The following LGR5 variants were observed in gnomAD, a reference collection of about 807,000 sequenced individuals.
The protein encoded by LGR5 is leucine rich repeat containing G protein-coupled receptor 5, also known as leucine-rich repeat-containing G protein-coupled receptor 5.
A neutral mutation model predicts 76.7 loss-of-function variants in LGR5; 54 were observed. The ratio of observed to expected loss-of-function variants is 0.70; its 90% CI spans 0.57 to 0.88. The LOEUF (loss-of-function observed/expected upper bound fraction) is 0.88, where lower values mean the gene tolerates loss of function less well. LGR5 is among the 40% of genes least tolerant of loss of function. The pLI, the probability that LGR5 is intolerant of heterozygous loss-of-function variation, is 0.00. For missense variants in LGR5, 1,078 were observed against 1,073.3 expected, an observed-to-expected ratio of 1.00 and a Z score of -0.06; for synonymous variants, 406 against 421.9, an observed-to-expected ratio of 0.96 and a Z score of 0.46.
intron 3 of LGR5, among the ~76,000 whole-genome samples, chr12:71,531,990 TC>T (rs1230794199): frequency 6.6e-6 from 1 of 152,228 alleles, no homozygotes; most frequent in Non-Finnish European, 1.5e-5. Flanking sequence ...GAAACTCTCA[TC>T]TTCCACCTCA....
chr12:71,515,954 A>G (rs1399122034), intron 2 of LGR5, among the ~76,000 whole-genome samples: 1 of 152,230 alleles, frequency 6.6e-6, no homozygotes, highest in African/African-American at 2.4e-5. Context: ...TTCACTTTCC[A>G]TAAAACCTTT....
At chr12:71,571,332 C>A (rs978495146) in intron 11 of LGR5, 182 bp from the exon 12 acceptor site, 2 of 456,966 alleles carry the variant, frequency 4.4e-6, no homozygotes, top group East Asian at 3.4e-5. Context: ...TTTCAGTAAA[C>A]ATTTGAATCT....
At chr12:71,447,955 G>C (rs1164262396) in intron 1 of LGR5, among the ~76,000 whole-genome samples, 2 of 152,180 alleles carry the variant, frequency 1.3e-5, no homozygotes, top group African/African-American at 4.8e-5. Context: ...GTGGTCCCTT[G>C]TTAGCCTGTC....
chr12:71,440,140 CG>C lies in LGR5; in HGVS notation c.65del (p.Gly22AlafsTer10). ...TGCCTGTGCTGCTGCAGCTGGCGACCGGGGGCAGCTCTCCCAGGTCTGGTGT... is the reference window on the plus strand; with the variant it reads ...TGCCTGTGCTGCTGCAGCTGGCGACCGGGGCAGCTCTCCCAGGTCTGGTGT... The part of the protein sequence containing the change: ...SLPVLLQLAT[G>X]GSSPRSGVLL... On this transcript the variant is annotated frameshift_variant, in exon 1 of 18. Transcript: ENST00000266674. LOFTEE classifies it high-confidence loss of function. The surrounding 1 kb of genome is among the most constrained non-coding windows in gnomAD (Gnocchi z 5.3). 7 of 1,609,754 alleles carry C rather than the reference CG, an allele frequency of 4.3e-6. No homozygotes were observed. The highest frequency in any genetic ancestry group is 2.1e-4 in the Middle Eastern group (1 of 4,692).
chr12:71,501,712 C>G (rs1043036543), intron 1 of LGR5, among the ~76,000 whole-genome samples: 2 of 152,024 alleles, frequency 1.3e-5, no homozygotes, highest in African/African-American at 4.8e-5. Flanking sequence ...AAATATTGAG[C>G]CTTGTATTTT....
Position 71,504,632 on chromosome 12 carries a change from C to T in LGR5, c.231C>T (p.Asn77=), listed in dbSNP as rs117980085. 3,595 of 1,614,000 alleles carry T rather than the reference C, an allele frequency of 2.2e-3. 5 individuals carry two copies. Among genetic ancestry groups the T allele is most frequent in the Middle Eastern group, 5.0e-3 (30 of 6,060 alleles). ...FTSYLDLSMN[N]ISQLLPNPLP... Reference sequence around the variant, plus strand: ...CCCCCAGAGACCTCAGTATGAACAACATCAGTCAGCTGCTCCCGAATCCCC... The same window carrying T: ...CCCCCAGAGACCTCAGTATGAACAATATCAGTCAGCTGCTCCCGAATCCCC... The change falls in exon 2 of 18, where the codon AAC becomes AAT. Residue 77 remains asparagine (N), a synonymous_variant. Coordinates refer to ENST00000266674, the MANE Select transcript of LGR5 (RefSeq NM_003667.4).
chr12:71,525,220 CTT>C (rs1355751928), intron 3 of LGR5, among the ~76,000 whole-genome samples: 1 of 151,944 alleles, frequency 6.6e-6, no homozygotes, highest in Non-Finnish European at 1.5e-5. Flanking sequence ...AAGTTATTAA[CTT>C]TGATATATTT....
chr12:71,475,672 C>A (rs1379023121), intron 1 of LGR5, among the ~76,000 whole-genome samples: 1 of 152,130 alleles, frequency 6.6e-6, no homozygotes. Flanking sequence ...GCTGATATTT[C>A]TTTTCAAGAC....
At chr12:71,583,460 C>G (rs1376252056) in intron 17 of LGR5, 187 bp from the exon 18 acceptor site, 1 of 642,742 alleles carries the variant, frequency 1.6e-6, no homozygotes, top group East Asian at 2.6e-5. Context: ...CTCACCCAGC[C>G]AGTGCTGCAG....
chr12:71,555,622 C>T (rs1317956286), intron 5 of LGR5, among the ~76,000 whole-genome samples: 1 of 152,190 alleles, frequency 6.6e-6, no homozygotes, highest in Admixed American at 6.5e-5. Context: ...AGAAAATGTG[C>T]TTGCTACATC....
chr12:71,526,556 T>C (rs1453014668), intron 3 of LGR5, among the ~76,000 whole-genome samples: 1 of 152,172 alleles, frequency 6.6e-6, no homozygotes, highest in Non-Finnish European at 1.5e-5. Flanking sequence ...CAAATTAGCA[T>C]TAAACAAATT....
chr12:71,583,930 T>G lies in LGR5; in HGVS notation c.1920T>G (p.Ile640Met). 1.2e-6 allele frequency: 2 copies of G among 1,614,182 alleles called. No homozygotes were observed. Among genetic ancestry groups the G allele is most frequent in the South Asian group, 2.2e-5 (2 of 91,074 alleles). ...AGAATGGGGTTGGTTGCCATGTCAT[T>G]GGTTTTTTGTCCATTTTTGCTTCAG... ...WWENGVGCHV[I>M]GFLSIFASES... Residue 640 changes from isoleucine (I) to methionine (M), a missense_variant, in exon 18 of 18, where the codon ATT (isoleucine) becomes ATG (methionine). Coordinates refer to ENST00000266674, the MANE Select transcript of LGR5 (RefSeq NM_003667.4).
At chr12:71,514,542 T>C (rs112513268) in intron 2 of LGR5, among the ~76,000 whole-genome samples, 31,651 of 141,282 alleles carry the variant, frequency 0.22, 3,569 homozygotes, top group Admixed American at 0.33. Flanking sequence ...CACTCCAGCC[T>C]GGGCGAAAGA....
At chr12:71,547,923 AT>A (rs1458075534) in intron 4 of LGR5, among the ~76,000 whole-genome samples, 2 of 151,804 alleles carry the variant, frequency 1.3e-5, no homozygotes, top group Non-Finnish European at 2.9e-5. Flanking sequence ...TGTAGGGAAA[AT>A]TTTTGTTTTA....
In LGR5 at chr12:71,440,308, C is replaced by G; in HGVS notation, c.212+16C>G. ...CCTCCTACCTGTAAGTACTTCCCCA[C>G]GTCACTCCGGGAGAGAGACTAAGAG... On this transcript the variant is annotated intron_variant, in intron 1 of 17. Coordinates refer to ENST00000266674, the MANE Select transcript of LGR5 (RefSeq NM_003667.4). This position sits in a 1 kb window ranked among gnomAD's most constrained non-coding sequence, Gnocchi z 5.3. The G allele has an allele frequency of 6.2e-7, 1 of 1,603,564 alleles. No homozygotes were observed. Among genetic ancestry groups the G allele is most frequent in the South Asian group, 1.1e-5 (1 of 90,986 alleles).
chr12:71,577,234 T>C (rs765191323), intron 13 of LGR5, among the ~76,000 whole-genome samples: 5 of 152,222 alleles, frequency 3.3e-5, no homozygotes, highest in Non-Finnish European at 5.9e-5. Context: ...AAAAATGTAG[T>C]TCTTATTCCT....
chr12:71,519,472 G>C (rs1052043781), intron 2 of LGR5, among the ~76,000 whole-genome samples: 9 of 151,902 alleles, frequency 5.9e-5, no homozygotes, highest in Non-Finnish European at 1.0e-4. Context: ...GCTTTATCCT[G>C]GTATTCACTG....
chr12:71,440,257 G>A lies in LGR5; in HGVS notation c.177G>A (p.Glu59=), dbSNP rs117324318. The change falls in exon 1 of 18, where the codon GAG becomes GAA. Residue 59 remains glutamate (E), a synonymous_variant. Transcript: ENST00000266674. This position sits in a 1 kb window ranked among gnomAD's most constrained non-coding sequence, Gnocchi z 5.3. ...RVDCSDLGLS[E]LPSNLSVFTS... ...ACTGCTCCGACCTGGGGCTCTCGGA[G>A]CTGCCTTCCAACCTCAGCGTCTTCA... 28,332 of 1,612,908 alleles carry A rather than the reference G, an allele frequency of 0.018. 315 individuals carry two copies. Among genetic ancestry groups the A allele is most frequent in the Middle Eastern group, 0.041 (244 of 5,920 alleles).
At chr12:71,451,009 C>G (rs1369877498) in intron 1 of LGR5, among the ~76,000 whole-genome samples, 2 of 152,168 alleles carry the variant, frequency 1.3e-5, no homozygotes, top group African/African-American at 4.8e-5. Flanking sequence ...CTCCCTAGCT[C>G]CCTGTTAAAA....
Sources: allele counts gnomAD v4.1 joint callset (sites outside exome capture counted in the v4.1 genomes callset), GRCh38; gene constraint gnomAD v4.1.1; non-coding constraint Gnocchi (gnomAD v3.1); transcripts MANE v1.5; gene names NCBI Gene and HGNC (gene_info 2026-07-23, HGNC 2026-07-21).